The following MCPH1 variants were observed in gnomAD, a reference collection of about 807,000 sequenced individuals.
The protein encoded by MCPH1 is microcephalin 1, also known as microcephalin.
Under a neutral mutation model 84.5 loss-of-function variants are expected in MCPH1, and 104 were observed. The ratio of observed to expected loss-of-function variants is 1.23; its 90% CI spans 1.05 to 1.45. The LOEUF is 1.45. Ranked by LOEUF, MCPH1 falls within the 40% of genes most tolerant of loss-of-function variation. The pLI, the probability that MCPH1 is intolerant of heterozygous loss-of-function variation, is 0.00. For missense variants in MCPH1, 1,498 were observed against 1,005.7 expected (o/e 1.49, Z -6.62); for synonymous variants, 514 against 366.8 (o/e 1.40, Z -4.58).
intron 12 of MCPH1, among the ~76,000 whole-genome samples, chr8:6,554,467 G>T (rs3020228): frequency 6.6e-6 from 1 of 151,942 alleles, no homozygotes; most frequent in African/African-American, 2.4e-5. Flanking sequence ...CATTTCCCAA[G>T]ATTTCTATAT....
chr8:6,407,600 G>C (rs1042378451), intron 1 of MCPH1, among the ~76,000 whole-genome samples: 1 of 152,172 alleles, frequency 6.6e-6, no homozygotes. Context: ...AAACCTCATA[G>C]CCAAAAGTAA....
intron 2 of MCPH1, among the ~76,000 whole-genome samples, chr8:6,413,862 C>A (rs1798879556): frequency 6.6e-6 from 1 of 151,692 alleles, no homozygotes; most frequent in African/African-American, 2.4e-5. Flanking sequence ...TGAAGTGATT[C>A]TCCTGCCTCA....
chr8:6,625,747 G>A (rs1832008482), intron 13 of MCPH1: 2 of 976,872 alleles, frequency 2.0e-6, no homozygotes, highest in African/African-American at 3.5e-5. Flanking sequence ...TCCCACCACT[G>A]TACTCCAGCC....
chr8:6,462,331 C>G (rs1806380954), intron 9 of MCPH1, among the ~76,000 whole-genome samples: 1 of 152,184 alleles, frequency 6.6e-6, no homozygotes, highest in Non-Finnish European at 1.5e-5. Context: ...CTGTTAGTCT[C>G]TTAATACTCA....
Position 6,644,203 on chromosome 8 carries a change from T to C in MCPH1, c.*1154T>C, listed in dbSNP as rs543011768. On this transcript the variant is annotated 3_prime_UTR_variant, in exon 14 of 14. Transcript: ENST00000344683. ...AGGCAGAGGTTGCAGTGAGCCAAGG[T>C]TGCAGTGAATCAAGATTGCTCCACT... is the stretch of plus-strand genomic sequence containing the variant. The C allele has an allele frequency of 5.3e-5, 8 of 152,312 alleles. No individual in the cohort carries two copies. The highest frequency in any genetic ancestry group is 1.9e-4 in the African/African-American group (8 of 41,544). The allele number at this position is 152,312 out of a possible 1,614,324, so 9.4% of individuals were successfully genotyped here.
chr8:6,540,191 C>G (rs1206768717), intron 12 of MCPH1, among the ~76,000 whole-genome samples: 1 of 152,140 alleles, frequency 6.6e-6, no homozygotes, highest in African/African-American at 2.4e-5. Context: ...ATTTTTTTCA[C>G]ATATATTTGA....
chr8:6,448,572 T>G (rs1042117688), intron 8 of MCPH1, among the ~76,000 whole-genome samples: 3 of 152,192 alleles, frequency 2.0e-5, no homozygotes, highest in African/African-American at 7.2e-5. Context: ...GTTGGAGTGT[T>G]TGTCTGCACG....
chr8:6,508,644 C>G, intron 12 of MCPH1: 1 of 576,354 alleles, frequency 1.7e-6, no homozygotes, highest in Non-Finnish European at 3.0e-6. Context: ...CCAGCAAGCA[C>G]AAACGCAGGA....
chr8:6,527,472 C>T, intron 12 of MCPH1: 3 of 1,511,236 alleles, frequency 2.0e-6, no homozygotes, highest in Non-Finnish European at 2.7e-6. Flanking sequence ...ACTCACCATT[C>T]TGATAATTCA....
chr8:6,625,193 T>C, intron 13 of MCPH1: 1 of 985,434 alleles, frequency 1.0e-6, no homozygotes, highest in African/African-American at 1.7e-5. Context: ...CTATTTTCTG[T>C]GGAATGCATT....
chr8:6,613,633 G>C (rs1469831369), intron 12 of MCPH1, among the ~76,000 whole-genome samples: 3 of 152,042 alleles, frequency 2.0e-5, no homozygotes, highest in Non-Finnish European at 4.4e-5. Flanking sequence ...CGGGGGGTGA[G>C]GGGGTTGGAA....
At chr8:6,584,858 A>G (rs1056878835) in intron 12 of MCPH1, among the ~76,000 whole-genome samples, 1 of 152,232 alleles carries the variant, frequency 6.6e-6, no homozygotes, top group African/African-American at 2.4e-5. Context: ...CTAGTTGCAC[A>G]GTTACCCCAT....
At chr8:6,410,553 G>T (rs1433752273) in intron 2 of MCPH1, among the ~76,000 whole-genome samples, 1 of 152,136 alleles carries the variant, frequency 6.6e-6, no homozygotes, top group African/African-American at 2.4e-5. Flanking sequence ...CTTGTGTTCA[G>T]GTAGCCTCTA....
intron 12 of MCPH1, among the ~76,000 whole-genome samples, chr8:6,578,884 T>C (rs1253369002): frequency 1.3e-5 from 2 of 152,248 alleles, no homozygotes; most frequent in African/African-American, 2.4e-5. Context: ...GTTGCTTCTC[T>C]GGCCCATGTT....
At chr8:6,470,590 A>T (rs1206092591) in intron 9 of MCPH1, among the ~76,000 whole-genome samples, 1 of 152,188 alleles carries the variant, frequency 6.6e-6, no homozygotes, top group Non-Finnish European at 1.5e-5. Context: ...AGGCTCTGAG[A>T]TCCTCGTACT....
At chr8:6,522,769 G>A (rs548634654) in intron 12 of MCPH1, among the ~76,000 whole-genome samples, 2 of 142,854 alleles carry the variant, frequency 1.4e-5, no homozygotes, top group African/African-American at 2.8e-5. Flanking sequence ...GCGAGACATC[G>A]TCTCAAAAAA....
At chr8:6,409,957 G>T (rs891946118) in intron 2 of MCPH1, among the ~76,000 whole-genome samples, 1 of 151,388 alleles carries the variant, frequency 6.6e-6, no homozygotes, top group Non-Finnish European at 1.5e-5. Flanking sequence ...AGGAAGTGTG[G>T]AAGTCAAAGT....
chr8:6,560,391 A>C (rs1825340920), intron 12 of MCPH1, among the ~76,000 whole-genome samples: 1 of 152,200 alleles, frequency 6.6e-6, no homozygotes, highest in Non-Finnish European at 1.5e-5. Context: ...CCTCATGAGA[A>C]AATCAGTGTT....
intron 9 of MCPH1, among the ~76,000 whole-genome samples, chr8:6,458,737 T>C (rs1343058073): frequency 6.6e-6 from 1 of 152,062 alleles, no homozygotes; most frequent in Non-Finnish European, 1.5e-5. Context: ...CTCCGCCTCC[T>C]GAATTTAAGC....
Sources: gnomAD v4.1 joint callset for allele counts (sites outside exome capture counted in the v4.1 genomes callset) on GRCh38, gnomAD v4.1.1 for gene constraint, MANE v1.5 for transcripts, NCBI Gene and HGNC (gene_info 2026-07-23, HGNC 2026-07-21) for gene names.